The following PARD3 variants were observed in gnomAD, a reference collection of about 807,000 sequenced individuals.
The protein encoded by PARD3 is partitioning defective 3 homolog.
Under a neutral mutation model 155.4 loss-of-function variants are expected in PARD3, and 75 were observed. That is an observed-to-expected ratio of 0.48 (90% confidence interval 0.40 to 0.58). The LOEUF is 0.58. PARD3 is among the 20% of genes least tolerant of loss of function. The probability of loss-of-function intolerance (pLI) is 0.00; values close to 1 mark genes in which losing one functional copy is unlikely to be tolerated. For missense variants in PARD3, 1,642 were observed against 1,721.7 expected (o/e 0.95, Z 0.82); for synonymous variants, 576 against 610.5 (o/e 0.94, Z 0.83).
intron 22 of PARD3, among the ~76,000 whole-genome samples, chr10:34,200,641 A>T (rs1564476667): frequency 6.6e-6 from 1 of 152,226 alleles, no homozygotes; most frequent in Non-Finnish European, 1.5e-5. Flanking sequence ...GTGATGGTCC[A>T]GCCACTCACT....
At chr10:34,378,166 T>C in intron 9 of PARD3, 60 bp from the exon 10 acceptor site, 1 of 1,276,412 alleles carries the variant, frequency 7.8e-7, no homozygotes, top group South Asian at 1.4e-5. Flanking sequence ...TTTACAGGTG[T>C]ATTGCACCAG....
rs55681930 is a variant in PARD3 at position 34,227,856 on chromosome 10, T to TTATATATATATATA, written c.3419+41787_3419+41800dup. Among the ~76,000 whole-genome samples, 401 of 82,158 alleles carry TTATATATATATATA rather than the reference T, an allele frequency of 4.9e-3. 6 individuals carry two copies. The highest frequency in any genetic ancestry group is 0.012 in the East Asian group (51 of 4,162). 53.9% of individuals were successfully genotyped at this position (82,158 alleles called of 152,430 possible). A position where few individuals can be genotyped will look rare whatever the true frequency, so the allele number is the denominator to read the frequency against. ...TATTCCCAGTAATGGGAATTATTTTTTATATATATATATATATATATATAT... is the reference window on the plus strand; with the variant it reads ...TATTCCCAGTAATGGGAATTATTTTTTATATATATATATATATATATATATATATATATATATAT... On this transcript the variant is annotated intron_variant, in intron 22 of 24. Coordinates refer to ENST00000374788, the MANE Select transcript of PARD3 (RefSeq NM_001184785.2).
chr10:34,152,434 A>T (rs1948822124), intron 22 of PARD3, among the ~76,000 whole-genome samples: 1 of 152,226 alleles, frequency 6.6e-6, no homozygotes, highest in African/African-American at 2.4e-5. Flanking sequence ...ACTGCAGGCA[A>T]TTGGAACATA....
intron 2 of PARD3, among the ~76,000 whole-genome samples, chr10:34,557,023 T>C (rs919373132): frequency 2.6e-5 from 4 of 152,178 alleles, no homozygotes; most frequent in Non-Finnish European, 5.9e-5. Flanking sequence ...TGGGGTTATA[T>C]GTTCTTCCTC....
chr10:34,288,692 T>C (rs761641721), intron 20 of PARD3, among the ~76,000 whole-genome samples: 2 of 152,234 alleles, frequency 1.3e-5, no homozygotes, highest in Non-Finnish European at 2.9e-5. Flanking sequence ...ATTATTTGTA[T>C]GTTATCTTTT....
chr10:34,478,158 A>C (rs2078835956), intron 3 of PARD3, among the ~76,000 whole-genome samples: 1 of 152,226 alleles, frequency 6.6e-6, no homozygotes, highest in Admixed American at 6.5e-5. Context: ...CTTGTTATTA[A>C]ATTTTTTTTC....
intron 22 of PARD3, among the ~76,000 whole-genome samples, chr10:34,205,976 G>A (rs530096521): frequency 6.6e-6 from 1 of 152,206 alleles, no homozygotes; most frequent in South Asian, 2.1e-4. Flanking sequence ...CAGCACCTGT[G>A]GCTGTGTGGG....
chr10:34,641,844 A>AC (rs1361026920), intron 2 of PARD3, among the ~76,000 whole-genome samples: 1 of 152,160 alleles, frequency 6.6e-6, no homozygotes, highest in African/African-American at 2.4e-5. Context: ...CACGTGAAAT[A>AC]CAGGTGCATG....
intron 2 of PARD3, among the ~76,000 whole-genome samples, chr10:34,637,994 C>T (rs563146065): frequency 3.9e-5 from 6 of 152,238 alleles, no homozygotes; most frequent in African/African-American, 7.2e-5. Context: ...ACAAGACACA[C>T]GGACTGTGCA....
chr10:34,814,965 G>T lies in PARD3; in HGVS notation c.31C>A (p.Arg11=). ...CCGTCCCCGCACGGCACGACCACCC[G>T]GGTCCGTCCGAAGCACACGGTCACT... MKVTVCFGRT[R]VVVPCGDGHM... The change falls in exon 1 of 25, where the codon CGG becomes AGG. Residue 11 remains arginine, a synonymous_variant. Coordinates refer to ENST00000374788, the MANE Select transcript of PARD3 (RefSeq NM_001184785.2). 1 of 1,555,086 alleles carries T rather than the reference G, an allele frequency of 6.4e-7. No homozygotes were observed. Among genetic ancestry groups the T allele is most frequent in the Non-Finnish European group, 8.7e-7 (1 of 1,152,864 alleles).
chr10:34,802,735 TG>T (rs1180534163), intron 1 of PARD3, among the ~76,000 whole-genome samples: 1 of 152,116 alleles, frequency 6.6e-6, no homozygotes, highest in African/African-American at 2.4e-5. Context: ...TTCCCACATG[TG>T]GTGAAGTTCT....
chr10:34,728,104 A>G (rs1322033078), intron 1 of PARD3, among the ~76,000 whole-genome samples: 2 of 152,212 alleles, frequency 1.3e-5, no homozygotes, highest in Non-Finnish European at 2.9e-5. Flanking sequence ...GCTTCACAGT[A>G]TGTATGATGA....
At chr10:34,579,355 G>C (rs1357757456) in intron 2 of PARD3, among the ~76,000 whole-genome samples, 1 of 151,922 alleles carries the variant, frequency 6.6e-6, no homozygotes, top group African/African-American at 2.4e-5. Context: ...GCACTACCTT[G>C]CGTGAGGATG....
chr10:34,517,596 T>G (rs766933993), intron 2 of PARD3, among the ~76,000 whole-genome samples: 12 of 152,166 alleles, frequency 7.9e-5, no homozygotes, highest in Non-Finnish European at 1.8e-4. Context: ...ACATGTATCT[T>G]CTCATTTGTG....
rs1043041036 is a variant in PARD3, at chr10:34,506,959, T to C, written c.403+10020A>G. The stretch of plus-strand genomic sequence containing the variant: ...TGCCGCCGCCTGACAGCCTGTCTTA[T>C]CCGCCAAATTGCTCATTAGGTTTGG... On this transcript the variant is annotated intron_variant, in intron 3 of 24. Transcript: ENST00000374788. Among the ~76,000 whole-genome samples, 5 of 152,298 alleles carry C rather than the reference T, an allele frequency of 3.3e-5. No homozygotes were observed. In the East Asian group the frequency reaches 9.6e-4, roughly 29 times the overall value.
chr10:34,633,586 A>G (rs757436186), intron 2 of PARD3, among the ~76,000 whole-genome samples: 6 of 152,304 alleles, frequency 3.9e-5, no homozygotes, highest in South Asian at 2.1e-4. Context: ...CATCCGTCCA[A>G]CGTAGGCTGG....
intron 3 of PARD3, among the ~76,000 whole-genome samples, chr10:34,480,027 T>C (rs555497763): frequency 1.1e-4 from 16 of 152,322 alleles, no homozygotes; most frequent in African/African-American, 3.6e-4. Context: ...AAGCCTGCCT[T>C]TTCCATCTTT....
intron 14 of PARD3, among the ~76,000 whole-genome samples, chr10:34,349,848 C>A (rs565824466): frequency 6.6e-6 from 1 of 152,118 alleles, no homozygotes; most frequent in Non-Finnish European, 1.5e-5. Context: ...TATAAAACTT[C>A]TTCTTGAGAA....
intron 2 of PARD3, among the ~76,000 whole-genome samples, chr10:34,560,278 C>G (rs958102999): frequency 6.6e-6 from 1 of 152,230 alleles, no homozygotes; most frequent in East Asian, 1.9e-4. Context: ...AGGTTCTATA[C>G]AGGGGTGCTG....
Sources: gnomAD v4.1 joint callset for allele counts (sites outside exome capture counted in the v4.1 genomes callset) on GRCh38, gnomAD v4.1.1 for gene constraint, MANE v1.5 for transcripts, NCBI Gene and HGNC (gene_info 2026-07-23, HGNC 2026-07-21) for gene names.